The following PRR5L variants were observed in gnomAD, a reference collection of about 807,000 sequenced individuals.
PRR5L encodes the protein proline-rich protein 5-like.
A neutral mutation model predicts 36.4 loss-of-function variants in PRR5L; 21 were observed. That is an observed-to-expected ratio of 0.58 (90% CI 0.41 to 0.83). The LOEUF (loss-of-function observed/expected upper bound fraction) is 0.83. Among genes scored for constraint, PRR5L ranks in the 40% least tolerant of loss-of-function variants. The pLI is 0.00. For missense variants in PRR5L, 381 were observed against 473.3 expected (o/e 0.80, Z 1.81); for synonymous variants, 188 against 197.0 (o/e 0.95, Z 0.38).
intron 1 of PRR5L, among the ~76,000 whole-genome samples, chr11:36,307,865 G>C (rs1175002722): frequency 6.6e-6 from 1 of 152,238 alleles, no homozygotes; most frequent in Non-Finnish European, 1.5e-5. Context: ...AGGGGAAGAA[G>C]AGAGGGACAG....
chr11:36,347,523 A>G (rs912037903), intron 1 of PRR5L, among the ~76,000 whole-genome samples: 1 of 152,098 alleles, frequency 6.6e-6, no homozygotes, highest in Non-Finnish European at 1.5e-5. Flanking sequence ...TAAGGCAGAC[A>G]TGGACAAACT....
intron 6 of PRR5L, among the ~76,000 whole-genome samples, chr11:36,440,644 G>T (rs551071930): frequency 4.9e-4 from 74 of 152,212 alleles, no homozygotes; most frequent in Non-Finnish European, 6.9e-4. Context: ...GTTAGCTCAT[G>T]ACTGACTGTG....
rs563861163 is a variant in PRR5L at position 36,418,753 on chromosome 11, G to A, written c.246-502G>A. Among the ~76,000 whole-genome samples, 449 of 152,044 alleles carry A rather than the reference G, an allele frequency of 3.0e-3. 2 individuals are homozygous for A. Among genetic ancestry groups the A allele is most frequent in the African/African-American group, 8.7e-3 (362 of 41,462 alleles). On this transcript the variant is annotated intron_variant, in intron 3 of 8. Transcript: ENST00000530639. Reference sequence around the variant, plus strand: ...GGAGCTTGCAGTGAGCCAAGATTGCGCCACTGCACTCCAGCCTGGGAGACA... The same window carrying A: ...GGAGCTTGCAGTGAGCCAAGATTGCACCACTGCACTCCAGCCTGGGAGACA...
At chr11:36,309,078 G>A (rs191179804) in intron 1 of PRR5L, among the ~76,000 whole-genome samples, 2 of 152,334 alleles carry the variant, frequency 1.3e-5, no homozygotes, top group South Asian at 2.1e-4. Context: ...TGTATGGAGA[G>A]TGTAGACAAA....
intron 3 of PRR5L, among the ~76,000 whole-genome samples, chr11:36,408,881 G>A (rs1857965303): frequency 6.6e-6 from 1 of 152,198 alleles, no homozygotes. Flanking sequence ...CAGTCTTTGA[G>A]TGTTGGGGTG....
chr11:36,422,420 G>A (rs1225095314), intron 4 of PRR5L, among the ~76,000 whole-genome samples: 2 of 152,142 alleles, frequency 1.3e-5, no homozygotes. Flanking sequence ...CCATGGACCT[G>A]GCTGTTGGGA....
At chr11:36,409,759 A>G (rs1857987065) in intron 3 of PRR5L, among the ~76,000 whole-genome samples, 1 of 152,026 alleles carries the variant, frequency 6.6e-6, no homozygotes, top group African/African-American at 2.4e-5. Flanking sequence ...ATATGTGTCA[A>G]CTCTTTTAAA....
intron 1 of PRR5L, among the ~76,000 whole-genome samples, chr11:36,339,837 A>C (rs1856801553): frequency 6.6e-6 from 1 of 152,230 alleles, no homozygotes; most frequent in Non-Finnish European, 1.5e-5. Flanking sequence ...CCACCCCATT[A>C]GGAAGCTTTC....
chr11:36,366,568 T>A (rs901475455), intron 1 of PRR5L, among the ~76,000 whole-genome samples: 10 of 152,186 alleles, frequency 6.6e-5, no homozygotes, highest in African/African-American at 2.4e-4. Flanking sequence ...AAAGAGATAA[T>A]TTATAAATGT....
At chr11:36,356,017 T>G (rs1404822980) in intron 1 of PRR5L, among the ~76,000 whole-genome samples, 1 of 152,024 alleles carries the variant, frequency 6.6e-6, no homozygotes, top group Non-Finnish European at 1.5e-5. Flanking sequence ...GCTCAAATGA[T>G]CCTCCAGCCT....
intron 8 of PRR5L, among the ~76,000 whole-genome samples, chr11:36,457,010 A>T (rs1376712881): frequency 1.3e-5 from 2 of 152,232 alleles, no homozygotes; most frequent in East Asian, 1.9e-4. Flanking sequence ...GCCTGTGAGC[A>T]GCCAGAGTGG....
chr11:36,332,650 G>A (rs1262711475), intron 1 of PRR5L, among the ~76,000 whole-genome samples: 1 of 152,192 alleles, frequency 6.6e-6, no homozygotes. Context: ...GGTCATGGGA[G>A]TGGACCCCTC....
At chr11:36,420,887 C>G (rs1300012476) in intron 4 of PRR5L, among the ~76,000 whole-genome samples, 2 of 131,790 alleles carry the variant, frequency 1.5e-5, no homozygotes, top group Admixed American at 7.9e-5. Flanking sequence ...ACGGACAGCT[C>G]CTCTAAATCT....
intron 6 of PRR5L, among the ~76,000 whole-genome samples, chr11:36,444,630 G>A (rs1858790424): frequency 6.6e-6 from 1 of 152,220 alleles, no homozygotes; most frequent in South Asian, 2.1e-4. Flanking sequence ...TGATTTGGCA[G>A]TTGTTGGAGC....
At chr11:36,452,690 G>A (rs906389872) in intron 8 of PRR5L, among the ~76,000 whole-genome samples, 2 of 152,228 alleles carry the variant, frequency 1.3e-5, no homozygotes, top group African/African-American at 4.8e-5. Flanking sequence ...AATTTTGGGG[G>A]ACTGGGGCAT....
chr11:36,442,506 T>G (rs1858743352), intron 6 of PRR5L, among the ~76,000 whole-genome samples: 1 of 152,160 alleles, frequency 6.6e-6, no homozygotes, highest in South Asian at 2.1e-4. Context: ...CATGCCAGTC[T>G]AATTTTTGTA....
intron 1 of PRR5L, among the ~76,000 whole-genome samples, chr11:36,302,069 G>A (rs573859504): frequency 1.2e-4 from 19 of 152,318 alleles, no homozygotes; most frequent in Middle Eastern, 3.4e-3. Flanking sequence ...TACTGTTATT[G>A]CACTGTGCTT....
intron 3 of PRR5L, among the ~76,000 whole-genome samples, chr11:36,407,749 A>G (rs962328329): frequency 6.6e-6 from 1 of 152,222 alleles, no homozygotes; most frequent in Non-Finnish European, 1.5e-5. Context: ...TTTAAATAGT[A>G]GCCAATGCAA....
rs1857835127 is a variant in PRR5L at position 36,403,224 on chromosome 11, T to C, written c.165-74T>C. 3.8e-6 allele frequency: 5 copies of C among 1,322,964 alleles called. No individual in the cohort carries two copies. In the Admixed American group the frequency reaches 5.1e-5, roughly 14 times the overall value. 82.0% of individuals were successfully genotyped at this position (1,322,964 alleles called of 1,614,324 possible). A position where few individuals can be genotyped will look rare whatever the true frequency, so the allele number is the denominator to read the frequency against. On this transcript the variant is annotated intron_variant, in intron 2 of 8. Transcript: ENST00000530639. ...AGCTTCCTGGTCACTCCACACACCT[T>C]CAGCCCTGAGCTGCTATTGAAATGG...
Sources: gnomAD v4.1 joint callset for allele counts (sites outside exome capture counted in the v4.1 genomes callset) on GRCh38, gnomAD v4.1.1 for gene constraint, MANE v1.5 for transcripts, NCBI Gene and HGNC (gene_info 2026-07-23, HGNC 2026-07-21) for gene names.